Variants in IL19 observed in about 807,000 individuals in gnomAD.
IL19 encodes the protein interleukin 19.
In IL19, 15 loss-of-function variants were observed where a neutral mutation model predicts 19.5. That is an observed-to-expected ratio of 0.77 (90% confidence interval 0.52 to 1.19). The LOEUF (loss-of-function observed/expected upper bound fraction) is 1.19, where lower values mean the gene tolerates loss of function less well. Ranked by LOEUF, IL19 falls within the 50% of genes most tolerant of loss-of-function variation. The pLI, the probability that IL19 is intolerant of heterozygous loss-of-function variation, is 0.00. For synonymous variants in IL19, 78 were observed against 78.3 expected (o/e 1.00, Z 0.02); for missense variants, 199 against 213.1 (o/e 0.93, Z 0.41).
intron 1 of IL19, among the ~76,000 whole-genome samples, chr1:206,791,413 C>T (rs1031865964): frequency 6.6e-6 from 1 of 151,336 alleles, no homozygotes; most frequent in Admixed American, 6.6e-5. Context: ...AGCGGTTCTT[C>T]TGCCTCAGCC....
In IL19 at chr1:206,835,266, G is replaced by T. The variant is rs1676746616; in HGVS notation, c.-2-1395G>T. On this transcript the variant is annotated intron_variant, in intron 2 of 6. Coordinates refer to ENST00000659997, the MANE Select transcript of IL19 (RefSeq NM_153758.5). Reference sequence around the variant, plus strand: ...CCCAGTAGCGTTCTGAGGAGACAGAGCTCTGGGGGACTCTCTACAAACTTC... The same window carrying T: ...CCCAGTAGCGTTCTGAGGAGACAGATCTCTGGGGGACTCTCTACAAACTTC... Among the ~76,000 whole-genome samples, 5 of 152,304 alleles carry T rather than the reference G, an allele frequency of 3.3e-5. No homozygotes were observed. In the South Asian group the frequency reaches 1.0e-3, roughly 32 times the overall value.
At chr1:206,795,335 T>C (rs1286277083) in intron 1 of IL19, among the ~76,000 whole-genome samples, 1 of 152,260 alleles carries the variant, frequency 6.6e-6, no homozygotes, top group Non-Finnish European at 1.5e-5. Flanking sequence ...TTCTGTCATA[T>C]ACACAAGTTG....
At position 206,831,251 on chromosome 1, in the gene IL19, T is replaced by C. The variant is rs572655819; in HGVS notation, c.-2-5410T>C. ...ACATGAGAGAGTTGTGTCCAGAACA[T>C]GTCAAACTCAAAGCATTCTCCATTC... On this transcript the variant is annotated intron_variant, in intron 2 of 6. Coordinates refer to ENST00000659997, the MANE Select transcript of IL19 (RefSeq NM_153758.5). 2.0e-5 allele frequency among the ~76,000 whole-genome samples: 3 copies of C among 152,270 alleles called. No homozygotes were observed. In the South Asian group the frequency reaches 6.2e-4, roughly 32 times the overall value.
chr1:206,789,415 C>A (rs1276891978), intron 1 of IL19, among the ~76,000 whole-genome samples: 1 of 152,210 alleles, frequency 6.6e-6, no homozygotes, highest in East Asian at 1.9e-4. Context: ...TTAGCTCCCA[C>A]TTGTAAGTGA....
chr1:206,829,687 A>G (rs769999705), intron 2 of IL19, among the ~76,000 whole-genome samples: 3 of 152,142 alleles, frequency 2.0e-5, no homozygotes, highest in Non-Finnish European at 4.4e-5. Flanking sequence ...AAGTCCACCT[A>G]CCTAGGGAAG....
Position 206,770,781 on chromosome 1 carries a change from C to T in IL19, c.-446C>T, listed in dbSNP as rs1179539302. Reference sequence around the variant, plus strand: ...AGAGATCTGACTCCAGGAGTCTTTCCTCATTTACAGCTAGCTCTGCCAGTC... The same window carrying T: ...AGAGATCTGACTCCAGGAGTCTTTCTTCATTTACAGCTAGCTCTGCCAGTC... On this transcript the variant is annotated 5_prime_UTR_variant, in exon 1 of 7. Coordinates refer to ENST00000659997, the MANE Select transcript of IL19 (RefSeq NM_153758.5). 2 of 972,508 alleles carry T rather than the reference C, an allele frequency of 2.1e-6. No individual in the cohort carries two copies. The highest frequency in any genetic ancestry group is 1.6e-5 in the African/African-American group (1 of 62,852). 60.2% of individuals were successfully genotyped at this position (972,508 alleles called of 1,614,324 possible).
At chr1:206,816,929 G>A (rs575716916) in intron 2 of IL19, among the ~76,000 whole-genome samples, 3 of 152,154 alleles carry the variant, frequency 2.0e-5, no homozygotes, top group Admixed American at 1.3e-4. Context: ...TAGCAGATAA[G>A]AAAAGAAACA....
Position 206,837,138 on chromosome 1 carries a change from T to C in IL19, c.210+115T>C, listed in dbSNP as rs1572575568. 5.0e-6 allele frequency: 4 copies of C among 806,082 alleles called. No individual in the cohort carries two copies. In the East Asian group the frequency reaches 7.5e-5, roughly 15 times the overall value. The allele number at this position is 806,082 out of a possible 1,614,324, so 49.9% of individuals were successfully genotyped here. A position where few individuals can be genotyped will look rare whatever the true frequency, so the allele number is the denominator to read the frequency against. On this transcript the variant is annotated intron_variant, in intron 4 of 6. Transcript: ENST00000659997. The stretch of plus-strand genomic sequence containing the variant: ...CTCTTTCCTAATCTCCAATGTACTC[T>C]AAATGCACCAGGCTTCTTTGTCAGA...
intron 2 of IL19, among the ~76,000 whole-genome samples, chr1:206,810,533 C>A (rs1202361530): frequency 6.6e-6 from 1 of 152,222 alleles, no homozygotes; most frequent in Non-Finnish European, 1.5e-5. Flanking sequence ...GAAGGTAGCA[C>A]TTGCATCTCT....
chr1:206,789,431 T>C (rs1675340677), intron 1 of IL19, among the ~76,000 whole-genome samples: 1 of 152,190 alleles, frequency 6.6e-6, no homozygotes, highest in Admixed American at 6.5e-5. Flanking sequence ...AGTGAGAACA[T>C]GGGTGTTTGG....
At chr1:206,809,602 C>A (rs1279103893) in intron 2 of IL19, among the ~76,000 whole-genome samples, 1 of 152,096 alleles carries the variant, frequency 6.6e-6, no homozygotes, top group Non-Finnish European at 1.5e-5. Flanking sequence ...TTAGGAAAAC[C>A]ACCAGAAAAG....
intron 2 of IL19, among the ~76,000 whole-genome samples, chr1:206,803,465 T>A (rs1054558440): frequency 6.6e-6 from 1 of 152,176 alleles, no homozygotes; most frequent in Non-Finnish European, 1.5e-5. Flanking sequence ...CTTGTATCTT[T>A]ACTCTCAAAA....
At chr1:206,791,575 T>C (rs1053196993) in intron 1 of IL19, among the ~76,000 whole-genome samples, 47 of 152,328 alleles carry the variant, frequency 3.1e-4, no homozygotes, top group African/African-American at 9.9e-4. Context: ...AGTGCTGGGA[T>C]TACAGGCATG....
At chr1:206,797,558 G>A (rs1675554988) in intron 1 of IL19, among the ~76,000 whole-genome samples, 1 of 152,184 alleles carries the variant, frequency 6.6e-6, no homozygotes, top group Non-Finnish European at 1.5e-5. Flanking sequence ...GAATGGGCAG[G>A]TGTCTACATT....
Position 206,793,213 on chromosome 1 carries a change from AT to A in IL19, c.-148-5647del, listed in dbSNP as rs368092072. The stretch of plus-strand genomic sequence containing the variant: ...ACGGGGACTTCTGCCGATGACTTTT[AT>A]AGCTTCTGACATTTCAGTCTCTTCA... On this transcript the variant is annotated intron_variant, in intron 1 of 6. Transcript: ENST00000659997. Among the ~76,000 whole-genome samples the A allele has an allele frequency of 3.7e-4, 56 of 152,326 alleles. 1 individual carries two copies. Among genetic ancestry groups the A allele is most frequent in the East Asian group, 2.1e-3 (11 of 5,192 alleles).
chr1:206,787,437 T>A (rs1165724925), intron 1 of IL19, among the ~76,000 whole-genome samples: 1 of 152,216 alleles, frequency 6.6e-6, no homozygotes, highest in African/African-American at 2.4e-5. Flanking sequence ...ACTGGACACA[T>A]GTTTTATATA....
intron 2 of IL19, among the ~76,000 whole-genome samples, chr1:206,824,020 C>T (rs958778626): frequency 2.6e-5 from 4 of 152,202 alleles, no homozygotes; most frequent in African/African-American, 9.6e-5. Context: ...AACCTTGAAT[C>T]TTTTGCCAAG....
intron 2 of IL19, among the ~76,000 whole-genome samples, chr1:206,821,525 C>T (rs1272432055): frequency 1.3e-5 from 2 of 152,234 alleles, no homozygotes; most frequent in African/African-American, 4.8e-5. Context: ...GGCACTTCCT[C>T]CTCCTCTGGG....
At chr1:206,785,406 G>A (rs1239177573) in intron 1 of IL19, among the ~76,000 whole-genome samples, 2 of 152,194 alleles carry the variant, frequency 1.3e-5, no homozygotes, top group African/African-American at 4.8e-5. Flanking sequence ...AGAGAGTCAG[G>A]AGGTCAAATA....
Sources: gnomAD v4.1 joint callset for allele counts (sites outside exome capture counted in the v4.1 genomes callset) on GRCh38, gnomAD v4.1.1 for gene constraint, MANE v1.5 for transcripts, NCBI Gene and HGNC (gene_info 2026-07-23, HGNC 2026-07-21) for gene names.